TSC22D1: variants seen among roughly 807,000 people sequenced by gnomAD.
TSC22D1 encodes the protein TSC22 domain family protein 1.
A neutral mutation model predicts 74.2 loss-of-function variants in TSC22D1; 9 were observed. That is an observed-to-expected ratio of 0.12 (90% CI 0.07 to 0.21). The LOEUF (loss-of-function observed/expected upper bound fraction) is 0.21, where lower values mean the gene tolerates loss of function less well. Ranked by LOEUF, TSC22D1 falls within the 10% of genes least tolerant of loss-of-function variation. The pLI, the probability that TSC22D1 is intolerant of heterozygous loss-of-function variation, is 1.00. For missense variants in TSC22D1, 1,427 were observed against 1,304.7 expected, an observed-to-expected ratio of 1.09 and a Z score of -1.44; for synonymous variants, 586 against 492.5, an observed-to-expected ratio of 1.19 and a Z score of -2.51.
chr13:44,434,939 T>A (rs1255313564), intron 2 of TSC22D1, 56 bp from the exon 3 acceptor site: 2 of 1,470,788 alleles, frequency 1.4e-6, no homozygotes, highest in Non-Finnish European at 1.9e-6. Flanking sequence ...TGGACTCTTT[T>A]GAGTTTCCAA....
chr13:44,498,141 A>G (rs931911410), intron 1 of TSC22D1, among the ~76,000 whole-genome samples: 2 of 152,024 alleles, frequency 1.3e-5, no homozygotes, highest in Non-Finnish European at 2.9e-5. Flanking sequence ...CTACAAAAAA[A>G]TACAAAATTA....
intron 1 of TSC22D1, among the ~76,000 whole-genome samples, chr13:44,484,629 C>T (rs1055424819): frequency 6.6e-6 from 1 of 152,150 alleles, no homozygotes; most frequent in Non-Finnish European, 1.5e-5. Context: ...TCATGATAAA[C>T]ATATTTAACA....
intron 1 of TSC22D1, among the ~76,000 whole-genome samples, chr13:44,549,518 A>G (rs920918240): frequency 6.6e-6 from 1 of 152,100 alleles, no homozygotes; most frequent in African/African-American, 2.4e-5. Context: ...CAGGCCTGTA[A>G]TCCCAACACA....
chr13:44,549,801 G>A (rs9525981), intron 1 of TSC22D1, among the ~76,000 whole-genome samples: 15,688 of 150,440 alleles, frequency 0.1, 909 homozygotes, highest in Non-Finnish European at 0.12. Flanking sequence ...AAAGAAGAAG[G>A]CGGCGGCGGC....
intron 1 of TSC22D1, chr13:44,537,201 T>C: frequency 4.6e-6 from 4 of 876,120 alleles, no homozygotes; most frequent in Non-Finnish European, 5.5e-6. Context: ...ATATTAATAT[T>C]CATAAACACT....
At chr13:44,563,349 T>C (rs1883170974) in intron 1 of TSC22D1, among the ~76,000 whole-genome samples, 1 of 152,236 alleles carries the variant, frequency 6.6e-6, no homozygotes. Context: ...CTGAACATTT[T>C]ACAATGAAAA....
intron 1 of TSC22D1, among the ~76,000 whole-genome samples, chr13:44,542,159 A>T (rs1042661009): frequency 2.0e-5 from 3 of 152,208 alleles, no homozygotes; most frequent in Admixed American, 6.5e-5. Flanking sequence ...GTCGTTTTCA[A>T]TAGTTAACTT....
At chr13:44,451,266 A>C (rs1003538149) in intron 1 of TSC22D1, among the ~76,000 whole-genome samples, 2 of 152,224 alleles carry the variant, frequency 1.3e-5, no homozygotes, top group Non-Finnish European at 2.9e-5. Context: ...ACACTGCAAC[A>C]GTCAGCACAG....
At chr13:44,435,135 C>T (rs1014593893) in intron 2 of TSC22D1, 29 of 409,810 alleles carry the variant, frequency 7.1e-5, no homozygotes, top group African/African-American at 5.9e-4. Flanking sequence ...CCAAGTAAGG[C>T]TTCCTGAGAC....
At chr13:44,541,203 G>A (rs1595148937) in intron 1 of TSC22D1, among the ~76,000 whole-genome samples, 1 of 152,282 alleles carries the variant, frequency 6.6e-6, no homozygotes, top group South Asian at 2.1e-4. Flanking sequence ...TGTTTCTAAT[G>A]CCTTCACTTC....
chr13:44,535,009 A>G (rs28756696), intron 1 of TSC22D1, among the ~76,000 whole-genome samples: 3,441 of 152,296 alleles, frequency 0.023, 116 homozygotes, highest in African/African-American at 0.076. Flanking sequence ...ATTGGAGGCT[A>G]CATATACACA....
At chr13:44,486,035 AG>A (rs1878415058) in intron 1 of TSC22D1, among the ~76,000 whole-genome samples, 1 of 152,036 alleles carries the variant, frequency 6.6e-6, no homozygotes, top group Non-Finnish European at 1.5e-5. Flanking sequence ...AAGGCGAAAA[AG>A]AAAATGTAAA....
chr13:44,565,759 T>C (rs1341146216), intron 1 of TSC22D1, among the ~76,000 whole-genome samples: 1 of 152,150 alleles, frequency 6.6e-6, no homozygotes, highest in East Asian at 1.9e-4. Flanking sequence ...ATGGGGACTA[T>C]GTTGCCTAGG....
At chr13:44,449,074 T>C (rs975777248) in intron 1 of TSC22D1, among the ~76,000 whole-genome samples, 1 of 152,236 alleles carries the variant, frequency 6.6e-6, no homozygotes, top group Non-Finnish European at 1.5e-5. Context: ...CCATGCTGCA[T>C]GTGAGTCAGG....
chr13:44,512,298 T>G (rs911858150), intron 1 of TSC22D1, among the ~76,000 whole-genome samples: 1 of 151,898 alleles, frequency 6.6e-6, no homozygotes, highest in East Asian at 1.9e-4. Flanking sequence ...GCCTCCCGAG[T>G]AGCTGGGACT....
chr13:44,518,364 A>G (rs1008318905), intron 1 of TSC22D1, among the ~76,000 whole-genome samples: 25 of 152,176 alleles, frequency 1.6e-4, no homozygotes, highest in African/African-American at 6.0e-4. Context: ...TGTTTATTTC[A>G]TTCAGTTCTA....
intron 1 of TSC22D1, among the ~76,000 whole-genome samples, chr13:44,524,753 G>C (rs541014172): frequency 5.1e-4 from 77 of 152,274 alleles, no homozygotes; most frequent in African/African-American, 1.7e-3. Context: ...TGGCTAGGCT[G>C]GTCTCAAACC....
intron 1 of TSC22D1, among the ~76,000 whole-genome samples, chr13:44,542,062 A>G (rs187379138): frequency 1.3e-5 from 2 of 152,272 alleles, no homozygotes; most frequent in East Asian, 3.9e-4. Context: ...ATCTAAGTAA[A>G]ACTTAACTAC....
chr13:44,549,416 T>C lies in TSC22D1; in HGVS notation c.2912+23747A>G, dbSNP rs112472600. Among the ~76,000 whole-genome samples the C allele has an allele frequency of 1.4e-3, 216 of 152,218 alleles. 1 individual carries two copies. The highest frequency in any genetic ancestry group is 4.8e-3 in the African/African-American group (200 of 41,512). ...GCCTAAAGTGACAAGGAAATATCAG[T>C]AGCTTCCACCAATCTCAGAAGGCAT... On this transcript the variant is annotated intron_variant, in intron 1 of 2. Transcript: ENST00000458659.
Sources: gnomAD v4.1 joint callset for allele counts (sites outside exome capture counted in the v4.1 genomes callset) on GRCh38, gnomAD v4.1.1 for gene constraint, MANE v1.5 for transcripts, NCBI Gene and HGNC (gene_info 2026-07-23, HGNC 2026-07-21) for gene names.